The following TRPM3 variants were observed in gnomAD, a reference collection of about 807,000 sequenced individuals.
The protein encoded by TRPM3 is long transient receptor potential channel 3.
A neutral mutation model predicts 181.2 loss-of-function variants in TRPM3; 77 were observed. The ratio of observed to expected loss-of-function variants is 0.42; its 90% CI spans 0.35 to 0.51. The LOEUF is 0.51. Ranked by LOEUF, TRPM3 falls within the 20% of genes least tolerant of loss-of-function variation. TRPM3 has a pLI of 0.01. For missense variants in TRPM3, 1,759 were observed against 2,196.7 expected (o/e 0.80, Z 3.98); for synonymous variants, 745 against 796.4 (o/e 0.94, Z 1.09).
intron 1 of TRPM3, among the ~76,000 whole-genome samples, chr9:71,098,404 C>G (rs1463609516): frequency 6.6e-6 from 1 of 152,158 alleles, no homozygotes; most frequent in East Asian, 1.9e-4. Flanking sequence ...GGAAACAGAG[C>G]AAGCCAGGCT....
At chr9:70,543,446 T>C (rs1045025342) in intron 25 of TRPM3, among the ~76,000 whole-genome samples, 16 of 152,144 alleles carry the variant, frequency 1.1e-4, no homozygotes, top group Admixed American at 6.5e-5. Context: ...TCATTCTTTC[T>C]ATTTTTTTTT....
intron 1 of TRPM3, among the ~76,000 whole-genome samples, chr9:71,327,663 C>T (rs557188126): frequency 5.9e-5 from 9 of 152,210 alleles, no homozygotes; most frequent in East Asian, 5.8e-4. Flanking sequence ...TCTGCATATC[C>T]GAAACAAAAC....
rs573958398 is a variant in TRPM3, at chr9:70,686,861, T to C, written c.1273-5283A>G. ...TCTTTTTTGAGACAGGGTCTCACTC[T>C]GTCTCCCAGGCTGGAGTGCATGATC... is the stretch of plus-strand genomic sequence containing the variant. On this transcript the variant is annotated intron_variant, in intron 8 of 25. Transcript: ENST00000677713. Among the ~76,000 whole-genome samples, 104 of 142,454 alleles carry C rather than the reference T, an allele frequency of 7.3e-4. 1 individual carries two copies. Among genetic ancestry groups the C allele is most frequent in the African/African-American group, 2.5e-3 (96 of 38,734 alleles). The allele number at this position is 142,454 out of a possible 152,430, so 93.5% of individuals were successfully genotyped here. A position where few individuals can be genotyped will look rare whatever the true frequency, so the allele number is the denominator to read the frequency against.
chr9:70,662,027 C>A (rs975658293), intron 9 of TRPM3, among the ~76,000 whole-genome samples: 1 of 152,074 alleles, frequency 6.6e-6, no homozygotes, highest in African/African-American at 2.4e-5. Flanking sequence ...AGTTATACTA[C>A]AAGGTTACAG....
At chr9:71,127,004 C>A (rs2074072949) in intron 1 of TRPM3, among the ~76,000 whole-genome samples, 2 of 151,782 alleles carry the variant, frequency 1.3e-5, no homozygotes, top group Non-Finnish European at 2.9e-5. Context: ...ACTTCCTCTT[C>A]TTTACATGGG....
At position 70,560,141 on chromosome 9, in the gene TRPM3, T is replaced by C. The variant is rs1454097679; in HGVS notation, c.3224-6831A>G. Among the ~76,000 whole-genome samples, 3 of 152,232 alleles carry C rather than the reference T, an allele frequency of 2.0e-5. No individual in the cohort carries two copies. The East Asian group carries it at 5.8e-4, about 29-fold the overall frequency. On this transcript the variant is annotated intron_variant, in intron 22 of 25. Transcript: ENST00000677713. ...TTGTGTTTCATCTTCTTACCAGTTCTGTAAGAAACGCATTGTCCTTGTTTT... is the reference window on the plus strand; with the variant it reads ...TTGTGTTTCATCTTCTTACCAGTTCCGTAAGAAACGCATTGTCCTTGTTTT...
intron 1 of TRPM3, among the ~76,000 whole-genome samples, chr9:71,157,475 G>T (rs1449745642): frequency 6.6e-6 from 1 of 152,002 alleles, no homozygotes; most frequent in African/African-American, 2.4e-5. Context: ...AGTATCATTT[G>T]TCCAGTGCGT....
At chr9:70,950,213 T>C (rs1163709034) in intron 1 of TRPM3, among the ~76,000 whole-genome samples, 1 of 152,208 alleles carries the variant, frequency 6.6e-6, no homozygotes, top group Non-Finnish European at 1.5e-5. Context: ...AAAATGACTT[T>C]CTTTTTTAGG....
At chr9:71,413,858 C>CTTT (rs564664274) in intron 1 of TRPM3, among the ~76,000 whole-genome samples, 2 of 144,816 alleles carry the variant, frequency 1.4e-5, no homozygotes, top group Admixed American at 6.9e-5. Flanking sequence ...ATACATTTCT[C>CTTT]TTTTTTTTTT....
intron 1 of TRPM3, among the ~76,000 whole-genome samples, chr9:70,974,090 T>C (rs2097273166): frequency 6.6e-6 from 1 of 152,244 alleles, no homozygotes. Flanking sequence ...TCCTGAAAAG[T>C]AATTCAGTCA....
chr9:70,581,962 TCTTCCTTC>T (rs941327535), intron 22 of TRPM3, among the ~76,000 whole-genome samples: 9 of 98,002 alleles, frequency 9.2e-5, no homozygotes, highest in South Asian at 2.9e-4. Context: ...CTCCTTCCTT[TCTTCCTTC>T]CTTCTCTCCC....
intron 1 of TRPM3, among the ~76,000 whole-genome samples, chr9:71,229,910 T>A (rs1480367220): frequency 6.6e-6 from 1 of 152,118 alleles, no homozygotes; most frequent in Non-Finnish European, 1.5e-5. Flanking sequence ...AACTACCACC[T>A]GATCCAGCAA....
At chr9:71,280,096 G>T (rs1476044711) in intron 1 of TRPM3, among the ~76,000 whole-genome samples, 1 of 141,014 alleles carries the variant, frequency 7.1e-6, no homozygotes, top group Non-Finnish European at 1.5e-5. Context: ...AAAAAAAAAA[G>T]GGGATGTATA....
chr9:70,747,746 C>T (rs1167231886), intron 8 of TRPM3, among the ~76,000 whole-genome samples: 1 of 151,804 alleles, frequency 6.6e-6, no homozygotes, highest in Non-Finnish European at 1.5e-5. Context: ...TTACTATCTG[C>T]CACTTTACAG....
intron 8 of TRPM3, among the ~76,000 whole-genome samples, chr9:70,697,020 T>C (rs1214305132): frequency 6.6e-6 from 1 of 152,150 alleles, no homozygotes; most frequent in Non-Finnish European, 1.5e-5. Context: ...AATTTGTGCT[T>C]TCCTCATGGC....
chr9:71,328,077 AAAAC>A (rs2089829583), intron 1 of TRPM3, among the ~76,000 whole-genome samples: 1 of 151,722 alleles, frequency 6.6e-6, no homozygotes, highest in Admixed American at 6.6e-5. Flanking sequence ...TTAAAAAAAA[AAAAC>A]AAAAAAAAAA....
At chr9:71,329,132 C>T (rs528722456) in intron 1 of TRPM3, among the ~76,000 whole-genome samples, 3 of 152,344 alleles carry the variant, frequency 2.0e-5, no homozygotes, top group African/African-American at 7.2e-5. Flanking sequence ...ATGTTACCTG[C>T]TGCTTGTTAA....
intron 1 of TRPM3, among the ~76,000 whole-genome samples, chr9:71,412,559 C>T (rs1206440700): frequency 1.3e-5 from 2 of 152,182 alleles, no homozygotes; most frequent in African/African-American, 2.4e-5. Context: ...TACCATCTCA[C>T]ACCAGTTAGA....
At chr9:71,279,982 G>A (rs1204515061) in intron 1 of TRPM3, among the ~76,000 whole-genome samples, 2 of 151,120 alleles carry the variant, frequency 1.3e-5, no homozygotes, top group Non-Finnish European at 2.9e-5. Flanking sequence ...AGGAGGCTGA[G>A]CCAGTAGAAT....
Sources: allele counts gnomAD v4.1 joint callset (sites outside exome capture counted in the v4.1 genomes callset), GRCh38; gene constraint gnomAD v4.1.1; transcripts MANE v1.5; gene names NCBI Gene and HGNC (gene_info 2026-07-23, HGNC 2026-07-21).